The following BTBD10 variants were observed in gnomAD, a reference collection of about 807,000 sequenced individuals.
BTBD10 encodes the protein BTB/POZ domain-containing protein 10.
A neutral mutation model predicts 53.2 loss-of-function variants in BTBD10; 21 were observed. That is an observed-to-expected ratio of 0.39 (90% CI 0.28 to 0.57). The LOEUF (loss-of-function observed/expected upper bound fraction) is 0.57. Among genes scored for constraint, BTBD10 ranks in the 20% least tolerant of loss-of-function variants. The pLI, the probability that BTBD10 is intolerant of heterozygous loss-of-function variation, is 0.53. For synonymous variants in BTBD10, 149 were observed against 192.7 expected (o/e 0.77, Z 1.88); for missense variants, 360 against 594.7 (o/e 0.61, Z 4.10).
At position 13,462,373 on chromosome 11, in the gene BTBD10, G is replaced by A. The variant is rs539713619; in HGVS notation, c.-58+719C>T. ...ACTAAGTGCACAAAGCCACAAGCAA[G>A]TGAAGCTCTATCTTTCAGCATGTCT... is the stretch of plus-strand genomic sequence containing the variant. On this transcript the variant is annotated intron_variant, in intron 1 of 8. Transcript: ENST00000278174. Among the ~76,000 whole-genome samples, 3 of 152,338 alleles carry A rather than the reference G, an allele frequency of 2.0e-5. No homozygotes were observed. The East Asian group carries it at 5.8e-4, about 29-fold the overall frequency.
intron 2 of BTBD10, among the ~76,000 whole-genome samples, chr11:13,444,488 A>G (rs2134030826): frequency 6.6e-6 from 1 of 152,316 alleles, no homozygotes; most frequent in East Asian, 1.9e-4. Flanking sequence ...TAATAGATAG[A>G]TGGCCTGAAA....
intron 2 of BTBD10, chr11:13,440,340 C>T (rs973137202): frequency 1.9e-6 from 2 of 1,067,940 alleles, no homozygotes; most frequent in Admixed American, 5.2e-5. Context: ...AATTGATAGA[C>T]AGGCATAACA....
chr11:13,411,473 G>A (rs546278084), intron 6 of BTBD10, among the ~76,000 whole-genome samples: 90 of 151,866 alleles, frequency 5.9e-4, no homozygotes, highest in Admixed American at 1.3e-3. Context: ...TTTTTAAAAC[G>A]TCTTTGAGAA....
intron 6 of BTBD10, among the ~76,000 whole-genome samples, chr11:13,407,796 C>T (rs1382403187): frequency 1.3e-5 from 2 of 152,200 alleles, no homozygotes; most frequent in Admixed American, 1.3e-4. Context: ...CAGCACATGA[C>T]TTTGGAGGCT....
At chr11:13,428,106 G>A (rs1172444662) in intron 2 of BTBD10, among the ~76,000 whole-genome samples, 1 of 151,948 alleles carries the variant, frequency 6.6e-6, no homozygotes, top group Non-Finnish European at 1.5e-5. Context: ...CAAAAATCGA[G>A]AAGATACAAA....
At chr11:13,394,997 A>G (rs1949503831) in intron 8 of BTBD10, among the ~76,000 whole-genome samples, 1 of 151,168 alleles carries the variant, frequency 6.6e-6, no homozygotes, top group Non-Finnish European at 1.5e-5. Context: ...GTGCCGCAAT[A>G]AACATACGTG....
At chr11:13,395,769 T>C (rs2135741356) in intron 8 of BTBD10, among the ~76,000 whole-genome samples, 1 of 152,348 alleles carries the variant, frequency 6.6e-6, no homozygotes, top group South Asian at 2.1e-4. Flanking sequence ...CTAGCCAGTT[T>C]TCCCAGCACC....
At chr11:13,447,061 T>A in intron 1 of BTBD10, among the ~76,000 whole-genome samples, 1 of 152,188 alleles carries the variant, frequency 6.6e-6, no homozygotes, top group East Asian at 1.9e-4. Context: ...TTTAGAACAA[T>A]TTTTCCTTAC....
intron 6 of BTBD10, among the ~76,000 whole-genome samples, chr11:13,411,691 C>T (rs1013090152): frequency 2.6e-5 from 4 of 152,100 alleles, no homozygotes; most frequent in Non-Finnish European, 5.9e-5. Context: ...TTCACATCAT[C>T]TGTAAAAAAT....
chr11:13,397,499 GATTC>G (rs1949587345), intron 8 of BTBD10, among the ~76,000 whole-genome samples: 1 of 152,102 alleles, frequency 6.6e-6, no homozygotes, highest in Non-Finnish European at 1.5e-5. Context: ...CCAGCTCCTG[GATTC>G]ATTGATTTTT....
intron 1 of BTBD10, among the ~76,000 whole-genome samples, chr11:13,456,643 C>T (rs1950973879): frequency 6.6e-6 from 1 of 152,012 alleles, no homozygotes; most frequent in Non-Finnish European, 1.5e-5. Context: ...TAAAGAGTTC[C>T]TTAAAGAAGG....
chr11:13,405,690 A>G lies in BTBD10; in HGVS notation c.975T>C (p.Tyr325=). Residue 325 remains tyrosine, a synonymous_variant, in exon 7 of 9, where the codon TAT becomes TAC. Coordinates refer to ENST00000278174, the MANE Select transcript of BTBD10 (RefSeq NM_032320.7). The part of the protein sequence containing the change: ...DDDVVDWDEE[Y]PPQMGEEYSQ... ...AATATTCTTCTCCCATCTGTGGTGG[A>G]TATTCTTCATCCCAATCAACCACAT... The G allele has an allele frequency of 6.2e-7, 1 of 1,613,658 alleles. No individual in the cohort carries two copies. The highest frequency in any genetic ancestry group is 8.5e-7 in the Non-Finnish European group (1 of 1,179,644).
chr11:13,427,088 A>T (rs1440692981), intron 2 of BTBD10, among the ~76,000 whole-genome samples: 1 of 152,124 alleles, frequency 6.6e-6, no homozygotes, highest in African/African-American at 2.4e-5. Context: ...GTGGTGGCAC[A>T]TGCCTGTGGT....
intron 6 of BTBD10, among the ~76,000 whole-genome samples, chr11:13,407,191 T>G (rs541568183): frequency 4.9e-4 from 75 of 152,322 alleles, no homozygotes; most frequent in African/African-American, 1.6e-3. Context: ...TCAGTAACCT[T>G]TGCCAACTCT....
chr11:13,405,445 T>C (rs1336536642), intron 7 of BTBD10: 3 of 550,638 alleles, frequency 5.4e-6, no homozygotes, highest in East Asian at 3.1e-5. Context: ...ATAAATACTT[T>C]GGGCATTGCG....
intron 2 of BTBD10, among the ~76,000 whole-genome samples, chr11:13,439,203 T>C (rs2134018147): frequency 6.6e-6 from 1 of 152,230 alleles, no homozygotes; most frequent in African/African-American, 2.4e-5. Flanking sequence ...TCAAAATGTT[T>C]TAAATTGTTG....
At chr11:13,408,799 T>C (rs1432992302) in intron 6 of BTBD10, among the ~76,000 whole-genome samples, 5 of 152,160 alleles carry the variant, frequency 3.3e-5, no homozygotes, top group Non-Finnish European at 7.4e-5. Flanking sequence ...GCCCCTACCA[T>C]CTCATACCTG....
At chr11:13,416,787 G>GA (rs1950125009) in intron 5 of BTBD10, among the ~76,000 whole-genome samples, 3 of 152,032 alleles carry the variant, frequency 2.0e-5, no homozygotes, top group Non-Finnish European at 4.4e-5. Flanking sequence ...GAACAGCCTA[G>GA]GTAACACTGT....
At chr11:13,392,437 T>C (rs1949433461) in intron 8 of BTBD10, among the ~76,000 whole-genome samples, 1 of 151,950 alleles carries the variant, frequency 6.6e-6, no homozygotes, top group African/African-American at 2.4e-5. Flanking sequence ...GAGCAGAAAG[T>C]GTACTGGGAA....
Sources: allele counts gnomAD v4.1 joint callset (sites outside exome capture counted in the v4.1 genomes callset), GRCh38; gene constraint gnomAD v4.1.1; transcripts MANE v1.5; gene names NCBI Gene and HGNC (gene_info 2026-07-23, HGNC 2026-07-21).